Variants in IL1R1 observed in about 807,000 individuals in gnomAD.
IL1R1 encodes the protein interleukin-1 receptor type 1.
In IL1R1, 22 loss-of-function variants were observed where a neutral mutation model predicts 50.2. The observed-to-expected ratio is 0.44, with a 90% CI of 0.31 to 0.63. The LOEUF is 0.63. Among genes scored for constraint, IL1R1 ranks in the 20% least tolerant of loss-of-function variants. The probability of loss-of-function intolerance (pLI) is 0.07; values close to 1 mark genes in which losing one functional copy is unlikely to be tolerated. For synonymous variants in IL1R1, 251 were observed against 236.7 expected, an observed-to-expected ratio of 1.06 and a Z score of -0.55; for missense variants, 509 against 676.2, an observed-to-expected ratio of 0.75 and a Z score of 2.74.
At chr2:102,136,487 T>C (rs1407174779) in intron 1 of IL1R1, among the ~76,000 whole-genome samples, 2 of 151,392 alleles carry the variant, frequency 1.3e-5, no homozygotes, top group Non-Finnish European at 2.9e-5. Context: ...AGCGATTCTC[T>C]TGCCCCAGCC....
intron 1 of IL1R1, among the ~76,000 whole-genome samples, chr2:102,092,604 C>T (rs941717598): frequency 7.2e-5 from 11 of 152,042 alleles, no homozygotes; most frequent in Admixed American, 2.0e-4. Flanking sequence ...AAATAACACT[C>T]GGGCCTGTTC....
At chr2:102,130,400 T>C (rs1227240343) in intron 1 of IL1R1, among the ~76,000 whole-genome samples, 3 of 152,206 alleles carry the variant, frequency 2.0e-5, no homozygotes, top group African/African-American at 7.2e-5. Flanking sequence ...ATTCTTAGGT[T>C]TGGCAACCCT....
chr2:102,078,600 A>ACACACACACACG (rs57113618), intron 1 of IL1R1, among the ~76,000 whole-genome samples: 1 of 146,604 alleles, frequency 6.8e-6, no homozygotes, highest in Admixed American at 6.8e-5. Flanking sequence ...ACACACACAC[A>ACACACACACACG]AGAAAAAAAA....
intron 5 of IL1R1, 29 bp downstream of exon 5, chr2:102,165,333 C>T (rs201791062): frequency 7.8e-7 from 1 of 1,282,498 alleles, no homozygotes; most frequent in Non-Finnish European, 1.1e-6. Flanking sequence ...TGACATTTCA[C>T]TTTTCCAGAA....
upstream of IL1R1, among the ~76,000 whole-genome samples, chr2:102,103,863 G>A (rs147835066): frequency 0.01 from 1,548 of 151,892 alleles, 17 homozygotes; most frequent in Non-Finnish European, 0.016. Context: ...ACATGGTGGC[G>A]GGCATCTATA....
intron 1 of IL1R1, among the ~76,000 whole-genome samples, chr2:102,115,970 C>T (rs1681047938): frequency 6.6e-6 from 1 of 152,118 alleles, no homozygotes; most frequent in South Asian, 2.1e-4. Context: ...GTTTTGACAT[C>T]CAACCTTGCA....
chr2:102,084,709 C>T (rs2104296890), intron 1 of IL1R1, among the ~76,000 whole-genome samples: 1 of 152,172 alleles, frequency 6.6e-6, no homozygotes, highest in South Asian at 2.1e-4. Flanking sequence ...TTTTTGTATA[C>T]ATACTTTGGT....
At chr2:102,075,116 A>G (rs948864873) in intron 1 of IL1R1, among the ~76,000 whole-genome samples, 2 of 152,192 alleles carry the variant, frequency 1.3e-5, no homozygotes, top group Non-Finnish European at 2.9e-5. Context: ...AACTTTAATC[A>G]GTTATGTGAC....
chr2:102,131,919 G>A (rs889505850), intron 1 of IL1R1, among the ~76,000 whole-genome samples: 11 of 151,974 alleles, frequency 7.2e-5, no homozygotes, highest in African/African-American at 2.2e-4. Context: ...TAAAATCAGC[G>A]ATAAAGAAAA....
intron 3 of IL1R1, among the ~76,000 whole-genome samples, chr2:102,163,729 G>C (rs1684927571): frequency 6.6e-6 from 1 of 151,910 alleles, no homozygotes; most frequent in African/African-American, 2.4e-5. Flanking sequence ...CCTTATCGTT[G>C]GTTGTATGTT....
intron 1 of IL1R1, among the ~76,000 whole-genome samples, chr2:102,106,555 G>A (rs531767255): frequency 7.2e-5 from 11 of 152,000 alleles, no homozygotes; most frequent in Non-Finnish European, 1.6e-4. Context: ...ATACGTCCTT[G>A]GAACATTTAC....
chr2:102,081,071 A>T (rs1183645501), intron 1 of IL1R1, among the ~76,000 whole-genome samples: 1 of 152,148 alleles, frequency 6.6e-6, no homozygotes, highest in Non-Finnish European at 1.5e-5. Context: ...GGGAACGAAG[A>T]GTGATTGCTA....
At position 102,172,806 on chromosome 2, in the gene IL1R1, T is replaced by C. The variant is rs1302156358; in HGVS notation, c.959T>C (p.Ile320Thr). ...TGTTTTGCCAAGAATACACATGGTA[T>C]AGATGCAGCATATATCCAGTTAATA... ...FTCFAKNTHG[I>T]DAAYIQLIYP... Residue 320 changes from isoleucine (I) to threonine (T), a missense_variant, in exon 9 of 12, where the codon ATA becomes ACA. Ile to Thr is a moderately conservative substitution (Grantham distance 89). Coordinates refer to ENST00000410023, the MANE Select transcript of IL1R1 (RefSeq NM_000877.4). The C allele has an allele frequency of 6.2e-7, 1 of 1,610,776 alleles. No individual in the cohort carries two copies. The highest frequency in any genetic ancestry group is 8.5e-7 in the Non-Finnish European group (1 of 1,177,722).
chr2:102,071,583 A>G (rs957532926), intron 1 of IL1R1, among the ~76,000 whole-genome samples: 1 of 152,198 alleles, frequency 6.6e-6, no homozygotes, highest in South Asian at 2.1e-4. Context: ...TTACCATCTC[A>G]TGTAACTGAA....
chr2:102,101,835 A>G (rs1680157046), upstream of IL1R1, among the ~76,000 whole-genome samples: 1 of 152,252 alleles, frequency 6.6e-6, no homozygotes, highest in African/African-American at 2.4e-5. Flanking sequence ...TTTAGCATTC[A>G]TAAAGGACCC....
At chr2:102,172,068 T>C (rs1204398407) in intron 8 of IL1R1, 150 bp downstream of exon 8, 3 of 379,522 alleles carry the variant, frequency 7.9e-6, no homozygotes, top group African/African-American at 7.5e-5. Context: ...CTAAGCTAAG[T>C]AGAATTTATA....
intron 1 of IL1R1, among the ~76,000 whole-genome samples, chr2:102,115,180 T>G (rs1025257968): frequency 2.6e-5 from 4 of 152,206 alleles, no homozygotes; most frequent in African/African-American, 7.2e-5. Flanking sequence ...GATCATACTG[T>G]GCAGTTAGTG....
Position 102,176,899 on chromosome 2 carries a change from T to G in IL1R1, c.*140T>G, listed in dbSNP as rs939982218. On this transcript the variant is annotated 3_prime_UTR_variant, in exon 12 of 12. Transcript: ENST00000410023. ...TCCCTGAGGTCACCTGGAATCAGATTATTAAGGGAATAAGCCATGACGTCA... is the reference window on the plus strand; with the variant it reads ...TCCCTGAGGTCACCTGGAATCAGATGATTAAGGGAATAAGCCATGACGTCA... The G allele has an allele frequency of 4.9e-6, 4 of 808,966 alleles. No homozygotes were observed. The African/African-American group carries it at 6.9e-5, about 14-fold the overall frequency. The allele number at this position is 808,966 out of a possible 1,614,324, so 50.1% of individuals were successfully genotyped here. A position where few individuals can be genotyped will look rare whatever the true frequency, so the allele number is the denominator to read the frequency against.
upstream of IL1R1, among the ~76,000 whole-genome samples, chr2:102,139,810 C>A (rs1361073493): frequency 6.6e-6 from 1 of 152,236 alleles, no homozygotes; most frequent in Non-Finnish European, 1.5e-5. Context: ...CAACAGATGG[C>A]AGTGCCATGC....
Sources: gnomAD v4.1 joint callset for allele counts (sites outside exome capture counted in the v4.1 genomes callset) on GRCh38, gnomAD v4.1.1 for gene constraint, MANE v1.5 for transcripts, NCBI Gene and HGNC (gene_info 2026-07-23, HGNC 2026-07-21) for gene names.